Variants in KCNH5 observed in about 807,000 individuals in gnomAD.
KCNH5 encodes the protein potassium voltage-gated channel subfamily H member 5, also known as voltage-gated delayed rectifier potassium channel KCNH5.
KCNH5 carries 46 observed loss-of-function variants against 96.1 expected under a neutral mutation model. The observed-to-expected ratio is 0.48, with a 90% CI of 0.38 to 0.61. The LOEUF (loss-of-function observed/expected upper bound fraction) is 0.61, where lower values mean the gene tolerates loss of function less well. Among genes scored for constraint, KCNH5 ranks in the 20% least tolerant of loss-of-function variants. KCNH5 has a pLI of 0.00. For missense variants in KCNH5, 907 were observed against 1,225.8 expected (o/e 0.74, Z 3.88); for synonymous variants, 439 against 449.8 (o/e 0.98, Z 0.30).
chr14:62,753,543 A>T (rs1039748387), intron 10 of KCNH5, among the ~76,000 whole-genome samples: 1 of 152,176 alleles, frequency 6.6e-6, no homozygotes, highest in Non-Finnish European at 1.5e-5. Flanking sequence ...AATGCATTTA[A>T]TAATCAAACT....
At chr14:62,852,164 G>T (rs1257308816) in intron 7 of KCNH5, among the ~76,000 whole-genome samples, 2 of 152,000 alleles carry the variant, frequency 1.3e-5, no homozygotes, top group African/African-American at 4.8e-5. Context: ...AGGGTAATTG[G>T]TTATCATTTC....
At chr14:62,974,808 C>T (rs984267258) in intron 6 of KCNH5, among the ~76,000 whole-genome samples, 18 of 152,232 alleles carry the variant, frequency 1.2e-4, no homozygotes, top group African/African-American at 4.1e-4. Flanking sequence ...TAAAACCTTG[C>T]TAACATTTTA....
chr14:62,950,928 T>G (rs1889993332), intron 6 of KCNH5, among the ~76,000 whole-genome samples: 1 of 152,216 alleles, frequency 6.6e-6, no homozygotes, highest in South Asian at 2.1e-4. Flanking sequence ...AGACCTTTTA[T>G]TTCCTTTTCC....
At chr14:62,729,676 C>A (rs1323380951) in intron 10 of KCNH5, among the ~76,000 whole-genome samples, 1 of 152,200 alleles carries the variant, frequency 6.6e-6, no homozygotes, top group Admixed American at 6.5e-5. Context: ...ACTATTTCCT[C>A]TTCTTCCTTT....
intron 6 of KCNH5, among the ~76,000 whole-genome samples, chr14:62,966,891 C>T (rs770346252): frequency 6.6e-5 from 10 of 152,130 alleles, no homozygotes; most frequent in Non-Finnish European, 1.5e-4. Context: ...ACTTTCGATT[C>T]TTAATCCATT....
chr14:62,701,007 A>G lies in KCNH5; in HGVS notation c.*6501T>C, dbSNP rs1884339616. On this transcript the variant is annotated 3_prime_UTR_variant, in exon 11 of 11. Transcript: ENST00000322893. Reference sequence around the variant, plus strand: ...CTTAAATTAGTTATTATGGATACTCAATCTGGTTTATTGAAGCTTCAAGGT... The same window carrying G: ...CTTAAATTAGTTATTATGGATACTCGATCTGGTTTATTGAAGCTTCAAGGT... 6.6e-6 allele frequency: 1 copy of G among 152,142 alleles called. No individual in the cohort carries two copies. The highest frequency in any genetic ancestry group is 1.5e-5 in the Non-Finnish European group (1 of 67,998). 9.4% of individuals were successfully genotyped at this position (152,142 alleles called of 1,614,324 possible).
At position 62,981,248 on chromosome 14, in the gene KCNH5, G is replaced by A. The variant is rs1381625125; in HGVS notation, c.566C>T (p.Ser189Leu). 1.2e-6 allele frequency: 2 copies of A among 1,613,996 alleles called. No individual in the cohort carries two copies. Among genetic ancestry groups the A allele is most frequent in the Non-Finnish European group, 1.7e-6 (2 of 1,179,946 alleles). ...TTGTTTATACTGAGGAAGGATATCT[G>A]ATCCCAGCTGAAGAACCTAAAAGAG... ...SRLAEVLQLG[S>L]DILPQYKQEA... is the part of the protein sequence containing the mutation. The change falls in exon 6 of 11, where the codon TCA (serine) becomes TTA (leucine). Residue 189 changes from serine (S) to leucine (L), a missense_variant. This residue lies in a region of KCNH5 where 370 missense variants were observed against 561.3 expected (regional missense o/e 0.66). Transcript: ENST00000322893.
intron 5 of KCNH5, among the ~76,000 whole-genome samples, chr14:62,981,868 A>T (rs1890614503): frequency 2.0e-5 from 3 of 152,198 alleles, no homozygotes; most frequent in African/African-American, 7.2e-5. Flanking sequence ...AGGGAAAAAA[A>T]TATTAAATAC....
At chr14:62,807,526 A>T (rs1486725165) in intron 8 of KCNH5, among the ~76,000 whole-genome samples, 1 of 152,168 alleles carries the variant, frequency 6.6e-6, no homozygotes, top group Non-Finnish European at 1.5e-5. Context: ...TAAATTATGC[A>T]GGTCAGATAT....
At chr14:62,799,967 A>AAGAAAAGGAGGAGGAGGAGG (rs1595627968) in intron 9 of KCNH5, among the ~76,000 whole-genome samples, 1 of 149,636 alleles carries the variant, frequency 6.7e-6, no homozygotes, top group Non-Finnish European at 1.5e-5. Flanking sequence ...AGAGGAGGAG[A>AAGAAAAGGAGGAGGAGGAGG]AAGAAAAGGA....
intron 6 of KCNH5, among the ~76,000 whole-genome samples, chr14:62,965,821 G>C (rs1339887174): frequency 6.6e-6 from 1 of 151,926 alleles, no homozygotes; most frequent in Non-Finnish European, 1.5e-5. Context: ...TACTTTCTTT[G>C]CCATCATAGG....
intron 9 of KCNH5, among the ~76,000 whole-genome samples, chr14:62,791,774 G>A (rs1201325176): frequency 6.6e-6 from 1 of 151,628 alleles, no homozygotes; most frequent in African/African-American, 2.4e-5. Context: ...AATATATAAA[G>A]CAAGTGTTAA....
chr14:62,811,552 T>C (rs1362529107), intron 8 of KCNH5, among the ~76,000 whole-genome samples: 1 of 152,184 alleles, frequency 6.6e-6, no homozygotes, highest in Non-Finnish European at 1.5e-5. Flanking sequence ...GAATACAGTA[T>C]AGACACAGCT....
chr14:62,817,135 T>A (rs1180992803), intron 8 of KCNH5, among the ~76,000 whole-genome samples: 1 of 139,446 alleles, frequency 7.2e-6, no homozygotes, highest in Non-Finnish European at 1.5e-5. Context: ...TTATAATATA[T>A]AATATATATA....
chr14:63,020,425 T>C (rs895079188), intron 1 of KCNH5, among the ~76,000 whole-genome samples: 2 of 152,046 alleles, frequency 1.3e-5, no homozygotes, highest in Non-Finnish European at 2.9e-5. Flanking sequence ...AAGAAGAGAA[T>C]GGATTAGAAA....
intron 7 of KCNH5, among the ~76,000 whole-genome samples, chr14:62,912,060 T>TA (rs1595681446): frequency 7.7e-6 from 1 of 130,362 alleles, no homozygotes; most frequent in Non-Finnish European, 1.7e-5. Flanking sequence ...AAAAAAAAAG[T>TA]AAAGTGTTTT....
chr14:63,020,930 T>C (rs1891415198), intron 1 of KCNH5, among the ~76,000 whole-genome samples: 1 of 152,212 alleles, frequency 6.6e-6, no homozygotes, highest in Non-Finnish European at 1.5e-5. Flanking sequence ...CTAGGGCAGT[T>C]AGAAATCAAA....
chr14:62,776,526 T>A (rs1196308177), intron 10 of KCNH5, among the ~76,000 whole-genome samples: 1 of 152,182 alleles, frequency 6.6e-6, no homozygotes, highest in African/African-American at 2.4e-5. Flanking sequence ...AGACACCCAA[T>A]GTATCATATT....
At chr14:62,829,699 T>C (rs1887302445) in intron 8 of KCNH5, among the ~76,000 whole-genome samples, 1 of 152,182 alleles carries the variant, frequency 6.6e-6, no homozygotes, top group Non-Finnish European at 1.5e-5. Flanking sequence ...GGGTCTGTCA[T>C]GGGGGGATCT....
Sources: allele counts gnomAD v4.1 joint callset (sites outside exome capture counted in the v4.1 genomes callset), GRCh38; gene constraint gnomAD v4.1.1; regional missense constraint gnomAD v4.1.1; transcripts MANE v1.5; gene names NCBI Gene and HGNC (gene_info 2026-07-23, HGNC 2026-07-21).